Variants in ARHGAP26 observed in about 807,000 individuals in gnomAD.
The protein encoded by ARHGAP26 is rho GTPase-activating protein 26.
A neutral mutation model predicts 104.8 loss-of-function variants in ARHGAP26; 38 were observed. The observed-to-expected ratio is 0.36, with a 90% CI of 0.28 to 0.48. The LOEUF (loss-of-function observed/expected upper bound fraction) is 0.48. ARHGAP26 is among the 20% of genes least tolerant of loss of function. The probability of loss-of-function intolerance (pLI) is 0.99; values close to 1 mark genes in which losing one functional copy is unlikely to be tolerated. For missense variants in ARHGAP26, 704 were observed against 947.9 expected (o/e 0.74, Z 3.38); for synonymous variants, 341 against 340.0 (o/e 1.00, Z -0.03).
Position 143,228,580 on chromosome 5 carries a change from A to C in ARHGAP26, c.*6134A>C, listed in dbSNP as rs1811838654. 1 of 217,780 alleles carries C rather than the reference A, an allele frequency of 4.6e-6. No homozygotes were observed. The highest frequency in any genetic ancestry group is 9.2e-6 in the Non-Finnish European group (1 of 108,118). The allele number at this position is 217,780 out of a possible 1,614,324, so 13.5% of individuals were successfully genotyped here. A position where few individuals can be genotyped will look rare whatever the true frequency, so the allele number is the denominator to read the frequency against. ...GCACTCTAAAAGACATTTTGTCCAC[A>C]TTTTGGAAAAGAAAATATTTGCATG... is the stretch of plus-strand genomic sequence containing the variant. On this transcript the variant is annotated 3_prime_UTR_variant, in exon 23 of 23. Transcript: ENST00000645722.
Position 142,879,458 on chromosome 5 carries a change from C to A in ARHGAP26, c.384+13C>A. 1 of 1,608,014 alleles carries A rather than the reference C, an allele frequency of 6.2e-7. No individual in the cohort carries two copies. Among genetic ancestry groups the A allele is most frequent in the Non-Finnish European group, 8.5e-7 (1 of 1,176,974 alleles). On this transcript the variant is annotated intron_variant, in intron 4 of 22. Transcript: ENST00000645722. ...CGGGGCTGCCAAGGTGAGAATTTTG[C>A]AAGCTTTGGTCTGGATTTTAGGGTG...
chr5:142,999,073 G>A (rs1776835281), intron 11 of ARHGAP26, among the ~76,000 whole-genome samples: 1 of 152,158 alleles, frequency 6.6e-6, no homozygotes, highest in Admixed American at 6.5e-5. Context: ...AAAATTATAG[G>A]GACTAAGAGT....
At chr5:143,187,183 GC>G (rs1805280168) in intron 20 of ARHGAP26, among the ~76,000 whole-genome samples, 2 of 152,164 alleles carry the variant, frequency 1.3e-5, no homozygotes, top group Non-Finnish European at 2.9e-5. Context: ...AGGTTAAGTT[GC>G]CCAGGGTGAC....
chr5:142,779,582 C>T (rs750129524), intron 1 of ARHGAP26, among the ~76,000 whole-genome samples: 3 of 152,228 alleles, frequency 2.0e-5, no homozygotes, highest in African/African-American at 7.2e-5. Context: ...GCTCAAAAAA[C>T]TCCTATTTTA....
chr5:142,831,347 T>C (rs1195598518), intron 1 of ARHGAP26, among the ~76,000 whole-genome samples: 1 of 151,962 alleles, frequency 6.6e-6, no homozygotes, highest in African/African-American at 2.4e-5. Flanking sequence ...CCCCCTGGCC[T>C]TTCCTCATCT....
intron 1 of ARHGAP26, among the ~76,000 whole-genome samples, chr5:142,837,871 GTTAT>G (rs371997647): frequency 7.9e-5 from 12 of 152,268 alleles, no homozygotes; most frequent in African/African-American, 2.9e-4. Flanking sequence ...GAAAAGAATA[GTTAT>G]TTATGTACAT....
chr5:142,880,850 A>G (rs968184427), intron 4 of ARHGAP26, among the ~76,000 whole-genome samples: 4 of 152,208 alleles, frequency 2.6e-5, no homozygotes, highest in African/African-American at 9.6e-5. Flanking sequence ...ATGTTTAGTC[A>G]GGGTCTTTCA....
intron 6 of ARHGAP26, among the ~76,000 whole-genome samples, chr5:142,901,242 AAAGAC>A (rs1470590694): frequency 6.6e-6 from 1 of 152,216 alleles, no homozygotes; most frequent in Non-Finnish European, 1.5e-5. Flanking sequence ...ACCATTCACT[AAAGAC>A]AAGACTAAAC....
At chr5:142,963,188 ATATATATATATG>A (rs1473571076) in intron 11 of ARHGAP26, among the ~76,000 whole-genome samples, 1 of 109,782 alleles carries the variant, frequency 9.1e-6, no homozygotes, top group Non-Finnish European at 1.7e-5. Context: ...ATATATATAT[ATATATATATATG>A]TGTGTGTGTG....
chr5:143,191,436 A>G lies in ARHGAP26; in HGVS notation c.1989-15762A>G, dbSNP rs1470821780. Among the ~76,000 whole-genome samples the G allele has an allele frequency of 2.6e-5, 4 of 152,328 alleles. No individual in the cohort carries two copies. The East Asian group carries it at 7.7e-4, about 29-fold the overall frequency. On this transcript the variant is annotated intron_variant, in intron 20 of 22. Coordinates refer to ENST00000645722, the MANE Select transcript of ARHGAP26 (RefSeq NM_001135608.3). ...TGCCACACTTTTACAAGAGGGTATA[A>G]AAGGATTAGTGGCCGAGAACAGAAA...
At chr5:142,850,516 A>G (rs1442019968) in intron 1 of ARHGAP26, among the ~76,000 whole-genome samples, 3 of 152,224 alleles carry the variant, frequency 2.0e-5, no homozygotes, top group African/African-American at 7.2e-5. Context: ...GTAAATTAGG[A>G]GTCAGACCTA....
intron 18 of ARHGAP26, among the ~76,000 whole-genome samples, chr5:143,128,374 C>G (rs1177713134): frequency 1.3e-5 from 2 of 152,082 alleles, no homozygotes; most frequent in East Asian, 3.9e-4. Flanking sequence ...CATGGATTAC[C>G]CAAGCTGTCT....
intron 17 of ARHGAP26, among the ~76,000 whole-genome samples, chr5:143,092,309 A>G (rs1382658146): frequency 5.9e-5 from 9 of 151,794 alleles, no homozygotes; most frequent in African/African-American, 1.2e-4. Flanking sequence ...GACTACAGGC[A>G]CCCGCTACCA....
intron 11 of ARHGAP26, among the ~76,000 whole-genome samples, chr5:142,952,469 A>T (rs964230193): frequency 2.2e-4 from 34 of 152,022 alleles, no homozygotes; most frequent in African/African-American, 7.5e-4. Context: ...TCAACATCCT[A>T]TGTACCGTAG....
chr5:142,810,744 T>C (rs1763915530), intron 1 of ARHGAP26, among the ~76,000 whole-genome samples: 1 of 152,234 alleles, frequency 6.6e-6, no homozygotes, highest in Admixed American at 6.5e-5. Flanking sequence ...AATATTGTTC[T>C]TTAAGTGGGA....
chr5:143,192,790 G>T (rs1806139369), intron 20 of ARHGAP26, among the ~76,000 whole-genome samples: 1 of 152,140 alleles, frequency 6.6e-6, no homozygotes, highest in Admixed American at 6.5e-5. Flanking sequence ...GGATTTAAGA[G>T]CCCAAATTAT....
chr5:143,087,625 C>T lies in ARHGAP26; in HGVS notation c.1538+29878C>T, dbSNP rs139191269. On this transcript the variant is annotated intron_variant, in intron 17 of 22. Transcript: ENST00000645722. ...GAATACTCCTCCTCATCTAATTAACCCTGGCCCATTCTTTTTTTTTTTTTT... is the reference window on the plus strand; with the variant it reads ...GAATACTCCTCCTCATCTAATTAACTCTGGCCCATTCTTTTTTTTTTTTTT... 1.4e-3 allele frequency among the ~76,000 whole-genome samples: 186 copies of T among 133,554 alleles called. 1 individual carries two copies. The highest frequency in any genetic ancestry group is 5.2e-3 in the African/African-American group (183 of 35,000). The allele number at this position is 133,554 out of a possible 152,430, so 87.6% of individuals were successfully genotyped here.
At chr5:142,875,636 C>G (rs184915546) in intron 3 of ARHGAP26, among the ~76,000 whole-genome samples, 93 of 152,268 alleles carry the variant, frequency 6.1e-4, no homozygotes, top group African/African-American at 1.6e-3. Context: ...TAAACAGGTA[C>G]TTTGTAATGA....
chr5:143,057,852 C>A, intron 17 of ARHGAP26, 105 bp downstream of exon 17: 3 of 936,608 alleles, frequency 3.2e-6, no homozygotes, highest in Non-Finnish European at 5.2e-6. Flanking sequence ...CCCACTATTG[C>A]ATCAGGTATG....
Sources: gnomAD v4.1 joint callset for allele counts (sites outside exome capture counted in the v4.1 genomes callset) on GRCh38, gnomAD v4.1.1 for gene constraint, MANE v1.5 for transcripts, NCBI Gene and HGNC (gene_info 2026-07-23, HGNC 2026-07-21) for gene names.